The following DPYD variants were observed in gnomAD, a reference collection of about 807,000 sequenced individuals.
The protein encoded by DPYD is dihydropyrimidine dehydrogenase.
A neutral mutation model predicts 116.2 loss-of-function variants in DPYD; 109 were observed. The ratio of observed to expected loss-of-function variants is 0.94; its 90% CI spans 0.80 to 1.10. DPYD has a LOEUF of 1.10. DPYD is among the 50% of genes least tolerant of loss of function. DPYD has a pLI of 0.00. For missense variants in DPYD, 1,302 were observed against 1,254.5 expected (o/e 1.04, Z -0.57); for synonymous variants, 440 against 432.0 (o/e 1.02, Z -0.23).
chr1:97,865,577 A>G (rs1338311163), intron 2 of DPYD, among the ~76,000 whole-genome samples: 1 of 151,914 alleles, frequency 6.6e-6, no homozygotes, highest in Non-Finnish European at 1.5e-5. Context: ...CATTCTTCTC[A>G]CAATATATAG....
chr1:97,290,416 C>A (rs535338885), intron 18 of DPYD, among the ~76,000 whole-genome samples: 1 of 152,206 alleles, frequency 6.6e-6, no homozygotes, highest in South Asian at 2.1e-4. Context: ...GGAGGCATCA[C>A]GCTACCTGAC....
At chr1:97,668,641 A>G (rs913062249) in intron 8 of DPYD, among the ~76,000 whole-genome samples, 2 of 152,138 alleles carry the variant, frequency 1.3e-5, no homozygotes, top group Non-Finnish European at 2.9e-5. Context: ...CAGTGGCATT[A>G]AAAGAGTAAG....
chr1:97,737,232 T>C (rs1004772060), intron 4 of DPYD, among the ~76,000 whole-genome samples: 1 of 152,146 alleles, frequency 6.6e-6, no homozygotes, highest in Non-Finnish European at 1.5e-5. Flanking sequence ...GGCAGATAGA[T>C]AAGTCAATAC....
intron 18 of DPYD, among the ~76,000 whole-genome samples, chr1:97,276,947 G>C (rs986377353): frequency 4.6e-5 from 7 of 152,100 alleles, no homozygotes; most frequent in Non-Finnish European, 8.8e-5. Flanking sequence ...CAAAGACACG[G>C]AAACAACCCA....
At chr1:97,449,792 G>C (rs778642885) in intron 14 of DPYD, among the ~76,000 whole-genome samples, 1 of 152,124 alleles carries the variant, frequency 6.6e-6, no homozygotes, top group Non-Finnish European at 1.5e-5. Flanking sequence ...AATAAAATGA[G>C]TATTTCATTT....
chr1:97,340,110 C>T (rs1669516132), intron 16 of DPYD, among the ~76,000 whole-genome samples: 1 of 151,360 alleles, frequency 6.6e-6, no homozygotes, highest in Non-Finnish European at 1.5e-5. Flanking sequence ...AAACACCCAA[C>T]AAAGTAAATA....
At chr1:97,619,529 A>C (rs966275711) in intron 8 of DPYD, among the ~76,000 whole-genome samples, 1 of 152,172 alleles carries the variant, frequency 6.6e-6, no homozygotes, top group Non-Finnish European at 1.5e-5. Context: ...TTTCTTTCAA[A>C]TGTATTGCCT....
At chr1:97,200,799 T>G (rs1458440865) in intron 19 of DPYD, among the ~76,000 whole-genome samples, 1 of 152,172 alleles carries the variant, frequency 6.6e-6, no homozygotes, top group East Asian at 1.9e-4. Flanking sequence ...CTAAATGATC[T>G]GTGCATGGTA....
At chr1:97,789,766 C>A (rs941372550) in intron 3 of DPYD, among the ~76,000 whole-genome samples, 1 of 152,104 alleles carries the variant, frequency 6.6e-6, no homozygotes, top group African/African-American at 2.4e-5. Flanking sequence ...CTTAGATATA[C>A]CTCCTGAAAG....
rs561968660 is a variant in DPYD at position 97,848,515 on chromosome 1, G to A, written c.151-20319C>T. On this transcript the variant is annotated intron_variant, in intron 2 of 22. Coordinates refer to ENST00000370192, the MANE Select transcript of DPYD (RefSeq NM_000110.4). ...GAAAGTGTTACTTTAGAGTATTCAGGAAGTTGGACTGTGAAATGCAATTAT... is the reference window on the plus strand; with the variant it reads ...GAAAGTGTTACTTTAGAGTATTCAGAAAGTTGGACTGTGAAATGCAATTAT... 3.9e-5 allele frequency among the ~76,000 whole-genome samples: 6 copies of A among 152,324 alleles called. No individual in the cohort carries two copies. The South Asian group carries it at 1.2e-3, about 32-fold the overall frequency.
chr1:97,854,354 T>C (rs1326827195), intron 2 of DPYD, among the ~76,000 whole-genome samples: 1 of 152,226 alleles, frequency 6.6e-6, no homozygotes, highest in African/African-American at 2.4e-5. Context: ...TTATTTAGCT[T>C]ACTGCATATT....
chr1:97,258,048 A>G (rs188619167), intron 18 of DPYD, among the ~76,000 whole-genome samples: 1,646 of 152,220 alleles, frequency 0.011, 15 homozygotes, highest in Non-Finnish European at 0.017. Flanking sequence ...AGATAACGGC[A>G]TGAGCAAAAG....
intron 8 of DPYD, among the ~76,000 whole-genome samples, chr1:97,610,051 C>A (rs572575705): frequency 6.6e-6 from 1 of 152,092 alleles, no homozygotes; most frequent in East Asian, 1.9e-4. Flanking sequence ...TCTTCTTTCA[C>A]TGCAAGTCAT....
chr1:97,860,080 C>T (rs1005251611), intron 2 of DPYD, among the ~76,000 whole-genome samples: 5 of 152,058 alleles, frequency 3.3e-5, no homozygotes, highest in African/African-American at 7.2e-5. Context: ...CGGTGGCTCA[C>T]GGCTATAATC....
intron 8 of DPYD, among the ~76,000 whole-genome samples, chr1:97,649,006 T>C (rs751388196): frequency 1.3e-5 from 2 of 152,040 alleles, no homozygotes; most frequent in Non-Finnish European, 2.9e-5. Context: ...GTTTTACATA[T>C]GTTATATCTA....
intron 2 of DPYD, among the ~76,000 whole-genome samples, chr1:97,869,268 T>G (rs1348440816): frequency 6.6e-6 from 1 of 151,828 alleles, no homozygotes; most frequent in Non-Finnish European, 1.5e-5. Context: ...CAAGGGTCTA[T>G]GCCAATAAAC....
intron 10 of DPYD, among the ~76,000 whole-genome samples, chr1:97,575,166 C>T (rs1363543516): frequency 6.6e-6 from 1 of 152,134 alleles, no homozygotes; most frequent in East Asian, 1.9e-4. Flanking sequence ...TGATGCTATG[C>T]TTCTAGTGCA....
chr1:97,755,300 C>A (rs929079401), intron 3 of DPYD, among the ~76,000 whole-genome samples: 6 of 152,170 alleles, frequency 3.9e-5, no homozygotes, highest in Non-Finnish European at 7.4e-5. Flanking sequence ...CCAGGGCAGG[C>A]TGCTTCCCTG....
intron 1 of DPYD, among the ~76,000 whole-genome samples, chr1:97,904,852 T>C (rs1435977051): frequency 6.6e-6 from 1 of 151,982 alleles, no homozygotes; most frequent in East Asian, 1.9e-4. Flanking sequence ...TGAAAGTTAT[T>C]ACTCCCTTAC....
Sources: allele counts gnomAD v4.1 joint callset (sites outside exome capture counted in the v4.1 genomes callset), GRCh38; gene constraint gnomAD v4.1.1; transcripts MANE v1.5; gene names NCBI Gene and HGNC (gene_info 2026-07-23, HGNC 2026-07-21).